Variants in SPATA31F1 observed in about 807,000 individuals in gnomAD.
SPATA31F1 encodes protein SPATA31F1.
the SPATA31F1 span, chr9:34,728,206 C>G: frequency 2.5e-6 from 2 of 793,502 alleles, no homozygotes; most frequent in Non-Finnish European, 2.0e-6. Flanking sequence ...AGTCCGTACT[C>G]TAAGGCATGT....
chr9:34,724,149 T>G, the SPATA31F1 span: 2 of 1,550,018 alleles, frequency 1.3e-6, no homozygotes, highest in South Asian at 2.4e-5. Context: ...TTGCTAGGGC[T>G]TTGAGGCTCA....
chr9:34,723,428 C>T, the SPATA31F1 span: 1 of 1,551,754 alleles, frequency 6.4e-7, no homozygotes, highest in Non-Finnish European at 8.7e-7. Context: ...CTTGGAGCAC[C>T]CTGTCGGCTT....
chr9:34,729,408 A>G, the SPATA31F1 span: 3 of 1,550,622 alleles, frequency 1.9e-6, no homozygotes, highest in Non-Finnish European at 2.6e-6. Context: ...TTCCCACAGA[A>G]CAAAAGTAGG....
At chr9:34,724,442 A>C in the SPATA31F1 span, 12 of 1,551,382 alleles carry the variant, frequency 7.7e-6, no homozygotes, top group Non-Finnish European at 9.6e-6. Context: ...TTGGTGGTTT[A>C]GACTTTCAAG....
chr9:34,724,057 T>G, the SPATA31F1 span: 1 of 1,514,792 alleles, frequency 6.6e-7, no homozygotes, highest in Non-Finnish European at 8.9e-7. Flanking sequence ...CATCCCCTTC[T>G]CTGTGGTCCC....
chr9:34,726,956 C>G, the SPATA31F1 span: 1 of 1,550,942 alleles, frequency 6.4e-7, no homozygotes. Flanking sequence ...CAGGATTCGC[C>G]GCACACTTCT....
At chr9:34,724,128 G>T in the SPATA31F1 span, 1 of 1,542,028 alleles carries the variant, frequency 6.5e-7, no homozygotes, top group Non-Finnish European at 8.8e-7. Context: ...ACATGGGCTG[G>T]GTCCTTGCTC....
chr9:34,726,687 C>T, the SPATA31F1 span: 2 of 1,551,558 alleles, frequency 1.3e-6, no homozygotes, highest in South Asian at 1.2e-5. Context: ...GACTGGGCAG[C>T]TGACTGGGTT....
At chr9:34,724,137 T>C in the SPATA31F1 span, 6 of 1,546,596 alleles carry the variant, frequency 3.9e-6, no homozygotes, top group East Asian at 1.2e-4. Flanking sequence ...GGGTCCTTGC[T>C]CTTGCTAGGG....
chr9:34,724,983 C>G, the SPATA31F1 span: 1 of 1,551,958 alleles, frequency 6.4e-7, no homozygotes, highest in South Asian at 1.2e-5. Context: ...GTGACAGTAC[C>G]TGGTAAAGCC....
chr9:34,728,688 G>A, the SPATA31F1 span: 23 of 1,548,146 alleles, frequency 1.5e-5, no homozygotes, highest in African/African-American at 5.5e-5. Context: ...TGTGAAGCTG[G>A]GACACCATTT....
At chr9:34,728,642 CT>C in the SPATA31F1 span, 1 of 1,551,440 alleles carries the variant, frequency 6.4e-7, no homozygotes, top group South Asian at 1.2e-5. Context: ...CTTTGCCTGA[CT>C]TTTTGGTGAC....
the SPATA31F1 span, chr9:34,723,341 C>T: frequency 1.2e-5 from 19 of 1,551,622 alleles, no homozygotes; most frequent in East Asian, 4.9e-5. Context: ...GGAGTGTAGC[C>T]GGAGCTTATC....
the SPATA31F1 span, chr9:34,723,484 C>T: frequency 6.4e-7 from 1 of 1,551,812 alleles, no homozygotes; most frequent in East Asian, 2.4e-5. Context: ...GAGCCAGGCT[C>T]TTTGCAACAT....
chr9:34,727,596 G>T, the SPATA31F1 span, among the ~76,000 whole-genome samples: 1 of 152,210 alleles, frequency 6.6e-6, no homozygotes, highest in African/African-American at 2.4e-5. Context: ...AGGAGGTCAT[G>T]TCAGCAGAGT....
the SPATA31F1 span, chr9:34,723,425 C>T: frequency 2.6e-6 from 4 of 1,551,752 alleles, no homozygotes; most frequent in Non-Finnish European, 3.5e-6. Flanking sequence ...GGCCTTGGAG[C>T]ACCCTGTCGG....
At chr9:34,724,079 G>T in the SPATA31F1 span, 29 of 1,526,636 alleles carry the variant, frequency 1.9e-5, no homozygotes, top group Middle Eastern at 1.7e-4. Flanking sequence ...GGCTGCTTTG[G>T]TTTCCTCTGG....
the SPATA31F1 span, chr9:34,723,621 T>G: frequency 2.6e-4 from 396 of 1,551,790 alleles, 3 homozygotes; most frequent in African/African-American, 4.5e-3. Flanking sequence ...CTAGACTCTG[T>G]AAGGCTGGGC....
the SPATA31F1 span, chr9:34,724,777 T>C: frequency 6.4e-7 from 1 of 1,551,688 alleles, no homozygotes; most frequent in South Asian, 1.2e-5. Context: ...GAGGCTCTGC[T>C]GGGATTTCCA....
Sources: gnomAD v4.1 joint callset for allele counts (sites outside exome capture counted in the v4.1 genomes callset) on GRCh38, gnomAD v4.1.1 for gene constraint, MANE v1.5 for transcripts, NCBI Gene and HGNC (gene_info 2026-07-23, HGNC 2026-07-21) for gene names.